OPHN1: variants seen among roughly 807,000 people sequenced by gnomAD.
The protein encoded by OPHN1 is oligophrenin-1.
A neutral mutation model predicts 60.7 loss-of-function variants in OPHN1; 11 were observed. That is an observed-to-expected ratio of 0.18 (90% CI 0.11 to 0.30). The LOEUF is 0.30. OPHN1 is among the 10% of genes least tolerant of loss of function. OPHN1 has a pLI of 1.00. For synonymous variants in OPHN1, 226 were observed against 222.6 expected, an observed-to-expected ratio of 1.02 and a Z score of -0.14; for missense variants, 449 against 611.0, an observed-to-expected ratio of 0.73 and a Z score of 2.80.
At chrX:68,133,824 A>G (rs2077208190) in intron 15 of OPHN1, among the ~76,000 whole-genome samples, 2 of 110,265 alleles carry the variant, frequency 1.8e-5, no homozygotes, top group Admixed American at 1.9e-4. Flanking sequence ...GTATAGTGCA[A>G]TTTTTTTTTG....
intron 15 of OPHN1, among the ~76,000 whole-genome samples, chrX:68,151,178 A>C (rs2077283956): frequency 8.9e-6 from 1 of 112,189 alleles, no homozygotes; most frequent in Admixed American, 9.5e-5. Flanking sequence ...TATACACTTT[A>C]GATTTTGCCC....
chrX:68,282,282 A>G lies in OPHN1; in HGVS notation c.312+774T>C, dbSNP rs137920602. Among the ~76,000 whole-genome samples the G allele has an allele frequency of 5.2e-3, 579 of 112,268 alleles. 4 individuals carry two copies. Among genetic ancestry groups the G allele is most frequent in the African/African-American group, 0.018 (550 of 30,970 alleles). ...TAAAATGCATATTGCTAAGTCAAAT[A>G]CGCCAATCTGAAATGGCTACATACT... On this transcript the variant is annotated intron_variant, in intron 4 of 24. Transcript: ENST00000355520.
chrX:68,301,445 C>CA (rs56927719), intron 2 of OPHN1, among the ~76,000 whole-genome samples: 2,863 of 34,984 alleles, frequency 0.082, 104 homozygotes, highest in African/African-American at 0.14. Context: ...GACTCCATCT[C>CA]AAAAAAAAAA....
intron 2 of OPHN1, among the ~76,000 whole-genome samples, chrX:68,379,493 T>A (rs1489631607): frequency 1.1e-4 from 12 of 104,557 alleles, no homozygotes; most frequent in African/African-American, 3.5e-4. Flanking sequence ...AGAGAGGGCA[T>A]CCCTGTCTTG....
intron 19 of OPHN1, among the ~76,000 whole-genome samples, chrX:68,087,264 G>T (rs182055524): frequency 8.9e-6 from 1 of 112,381 alleles, no homozygotes; most frequent in African/African-American, 3.2e-5. Flanking sequence ...TGGTCTAAGA[G>T]AACTCAATAT....
intron 5 of OPHN1, among the ~76,000 whole-genome samples, chrX:68,258,811 T>A (rs1209739190): frequency 1.8e-5 from 2 of 111,582 alleles, no homozygotes; most frequent in Non-Finnish European, 3.8e-5. Flanking sequence ...CAAATTTCTC[T>A]TCCACCAGTG....
At chrX:68,248,459 G>T (rs373554329) in intron 5 of OPHN1, among the ~76,000 whole-genome samples, 1 of 111,925 alleles carries the variant, frequency 8.9e-6, no homozygotes, top group African/African-American at 3.2e-5. Flanking sequence ...TAGGGAGGAT[G>T]TGGAGAAAAG....
At chrX:68,177,456 A>T (rs1287992420) in intron 15 of OPHN1, among the ~76,000 whole-genome samples, 1 of 111,596 alleles carries the variant, frequency 9.0e-6, no homozygotes, top group Non-Finnish European at 1.9e-5. Flanking sequence ...AAGAATATAC[A>T]GTCACAGCTA....
intron 5 of OPHN1, among the ~76,000 whole-genome samples, chrX:68,243,168 A>C (rs1356269702): frequency 9.0e-6 from 1 of 111,156 alleles, no homozygotes; most frequent in Non-Finnish European, 1.9e-5. Context: ...CTTGGCTAGA[A>C]TAAGAAAATT....
intron 2 of OPHN1, among the ~76,000 whole-genome samples, chrX:68,320,407 G>A (rs1237218866): frequency 9.0e-6 from 1 of 111,152 alleles, no homozygotes; most frequent in African/African-American, 3.3e-5. Flanking sequence ...CTATCAGAAA[G>A]GCTAAAACAA....
At chrX:68,276,270 C>T (rs982920052) in intron 4 of OPHN1, among the ~76,000 whole-genome samples, 1 of 111,291 alleles carries the variant, frequency 9.0e-6, no homozygotes, top group Non-Finnish European at 1.9e-5. Flanking sequence ...CTATGAAACC[C>T]CATTGAGTCC....
chrX:68,386,506 G>A (rs1335866342), intron 2 of OPHN1, among the ~76,000 whole-genome samples: 2 of 111,378 alleles, frequency 1.8e-5, no homozygotes, highest in Non-Finnish European at 3.8e-5. Context: ...GTGGCCAGGC[G>A]CACCTTGGCA....
At position 68,112,061 on chromosome X, in the gene OPHN1, G is replaced by GCACACACACA. The variant is rs56107322; in HGVS notation, c.1421-112_1421-103dup. 338 of 389,532 alleles carry GCACACACACA rather than the reference G, an allele frequency of 8.7e-4. 4 individuals carry two copies. The African/African-American group carries it at 9.4e-3, about 11-fold the overall frequency. The allele number at this position is 389,532 out of a possible 1,213,427, so 32.1% of individuals were successfully genotyped here. A position where few individuals can be genotyped will look rare whatever the true frequency, so the allele number is the denominator to read the frequency against. On this transcript the variant is annotated intron_variant, in intron 17 of 24. Transcript: ENST00000355520. ...CACAAACACACACACATGCACACATGCACACACACACACACACACACACAC... is the reference window on the plus strand; with the variant it reads ...CACAAACACACACACATGCACACATGCACACACACACACACACACACACACACACACACAC...
At chrX:68,259,559 T>C (rs1439973275) in intron 5 of OPHN1, among the ~76,000 whole-genome samples, 1 of 111,978 alleles carries the variant, frequency 8.9e-6, no homozygotes, top group Non-Finnish European at 1.9e-5. Flanking sequence ...TAGCAAACAT[T>C]TGTATGTTAT....
chrX:68,359,792 C>T (rs2078461398), intron 2 of OPHN1, among the ~76,000 whole-genome samples: 1 of 95,885 alleles, frequency 1.0e-5, no homozygotes, highest in Non-Finnish European at 2.0e-5. Context: ...GGAGGCGGAG[C>T]TTGCAGTGAA....
chrX:68,187,729 G>A (rs987562124), intron 15 of OPHN1, among the ~76,000 whole-genome samples: 2 of 110,219 alleles, frequency 1.8e-5, no homozygotes, highest in African/African-American at 3.3e-5. Flanking sequence ...CCAGGTTTAC[G>A]CCATTCTCCT....
chrX:68,115,432 A>G (rs953671853), intron 16 of OPHN1, among the ~76,000 whole-genome samples: 2 of 112,596 alleles, frequency 1.8e-5, no homozygotes, highest in African/African-American at 6.5e-5. Flanking sequence ...GAAAATACCA[A>G]ATAGAAAGCC....
At chrX:68,169,315 T>C (rs765424847) in intron 15 of OPHN1, among the ~76,000 whole-genome samples, 1 of 111,630 alleles carries the variant, frequency 9.0e-6, no homozygotes, top group South Asian at 3.8e-4. Flanking sequence ...TCCATGCTCA[T>C]GGGTAGGAAG....
chrX:68,407,933 C>A (rs2078751524), intron 2 of OPHN1, among the ~76,000 whole-genome samples: 1 of 112,263 alleles, frequency 8.9e-6, no homozygotes, highest in Admixed American at 9.5e-5. Flanking sequence ...TAATGGAAAG[C>A]TAAGCTAACA....
Sources: allele counts gnomAD v4.1 joint callset (sites outside exome capture counted in the v4.1 genomes callset), GRCh38; gene constraint gnomAD v4.1.1; transcripts MANE v1.5; gene names NCBI Gene and HGNC (gene_info 2026-07-23, HGNC 2026-07-21).